The following CACNB2 variants were observed in gnomAD, a reference collection of about 807,000 sequenced individuals.
CACNB2 encodes calcium voltage-gated channel auxiliary subunit beta 2.
A neutral mutation model predicts 73.3 loss-of-function variants in CACNB2; 42 were observed. The observed-to-expected ratio is 0.57, with a 90% confidence interval of 0.45 to 0.74. CACNB2 has a LOEUF of 0.74. CACNB2 is among the 30% of genes least tolerant of loss of function. The probability of loss-of-function intolerance (pLI) is 0.00; values close to 1 mark genes in which losing one functional copy is unlikely to be tolerated. For missense variants in CACNB2, 940 were observed against 853.0 expected, an observed-to-expected ratio of 1.10 and a Z score of -1.27; for synonymous variants, 348 against 310.3, an observed-to-expected ratio of 1.12 and a Z score of -1.28.
At chr10:18,536,967 C>A (rs1204384286) in intron 12 of CACNB2, among the ~76,000 whole-genome samples, 1 of 152,142 alleles carries the variant, frequency 6.6e-6, no homozygotes, top group East Asian at 1.9e-4. Context: ...ACATGCAATG[C>A]CTTGAGGTAT....
chr10:18,177,130 T>G (rs1431981565), intron 2 of CACNB2, among the ~76,000 whole-genome samples: 1 of 152,092 alleles, frequency 6.6e-6, no homozygotes, highest in South Asian at 2.1e-4. Flanking sequence ...GAAGTGCCTG[T>G]TAGAGTCCTA....
intron 2 of CACNB2, among the ~76,000 whole-genome samples, chr10:18,197,475 C>T (rs2034677264): frequency 6.6e-6 from 1 of 152,164 alleles, no homozygotes; most frequent in African/African-American, 2.4e-5. Flanking sequence ...CCAAGCACCC[C>T]AGTGTGTTTC....
intron 2 of CACNB2, among the ~76,000 whole-genome samples, chr10:18,370,176 A>G (rs1319920639): frequency 6.6e-6 from 1 of 152,246 alleles, no homozygotes; most frequent in Non-Finnish European, 1.5e-5. Flanking sequence ...AGTTACATTT[A>G]AATAGCCACA....
intron 2 of CACNB2, among the ~76,000 whole-genome samples, chr10:18,397,651 G>A (rs1324951732): frequency 6.7e-6 from 1 of 150,134 alleles, no homozygotes; most frequent in Non-Finnish European, 1.5e-5. Flanking sequence ...GGAGATGGAG[G>A]TTGCAGTGAG....
chr10:18,333,947 G>A (rs2040903472), intron 2 of CACNB2, among the ~76,000 whole-genome samples: 1 of 152,122 alleles, frequency 6.6e-6, no homozygotes, highest in Non-Finnish European at 1.5e-5. Context: ...GTCTGCTGCT[G>A]TTTTAAAGTT....
At chr10:18,358,008 G>T (rs943857040) in intron 2 of CACNB2, among the ~76,000 whole-genome samples, 4 of 152,108 alleles carry the variant, frequency 2.6e-5, no homozygotes, top group Admixed American at 1.3e-4. Context: ...CGCAGTGCAT[G>T]GCAAATATTT....
intron 2 of CACNB2, among the ~76,000 whole-genome samples, chr10:18,336,224 G>A (rs2040999355): frequency 6.6e-6 from 1 of 152,218 alleles, no homozygotes; most frequent in Non-Finnish European, 1.5e-5. Context: ...AAGATTATGG[G>A]AAAGGTTTAA....
At chr10:18,229,092 A>G (rs2036128181) in intron 2 of CACNB2, among the ~76,000 whole-genome samples, 1 of 152,206 alleles carries the variant, frequency 6.6e-6, no homozygotes, top group Non-Finnish European at 1.5e-5. Flanking sequence ...CAGCAAATAT[A>G]TACACAAGCA....
intron 2 of CACNB2, among the ~76,000 whole-genome samples, chr10:18,240,996 G>A (rs910335236): frequency 4.6e-5 from 7 of 152,152 alleles, no homozygotes; most frequent in African/African-American, 1.4e-4. Flanking sequence ...CCTGCCTCCT[G>A]TTCTGTTCAC....
intron 2 of CACNB2, among the ~76,000 whole-genome samples, chr10:18,388,049 A>G (rs553044103): frequency 6.6e-6 from 1 of 152,276 alleles, no homozygotes; most frequent in East Asian, 1.9e-4. Context: ...GAGCCACTGC[A>G]CCTGGCCCAA....
intron 2 of CACNB2, among the ~76,000 whole-genome samples, chr10:18,338,688 T>C (rs950412486): frequency 6.7e-6 from 1 of 148,340 alleles, no homozygotes; most frequent in African/African-American, 2.5e-5. Context: ...CTTCCTTCCT[T>C]CCTTCCTTCC....
intron 9 of CACNB2, among the ~76,000 whole-genome samples, chr10:18,525,048 A>AC (rs532836933): frequency 0.013 from 1,977 of 147,746 alleles, 23 homozygotes; most frequent in Non-Finnish European, 0.02. Context: ...AAAAAAAAAA[A>AC]ACACATTATA....
intron 3 of CACNB2, among the ~76,000 whole-genome samples, chr10:18,452,768 C>G (rs2047077002): frequency 6.6e-6 from 1 of 152,092 alleles, no homozygotes; most frequent in African/African-American, 2.4e-5. Context: ...TTTTGTTCAC[C>G]AAAAAAGGTT....
At position 18,140,452 on chromosome 10, in the gene CACNB2, G is replaced by A. The variant is rs969764574; in HGVS notation, c.-285G>A. The stretch of plus-strand genomic sequence containing the variant: ...GCGCTGCGCCCGCTCTCCCGGCCCC[G>A]GCTGCCCCGCTGAGGGCTCCCCTCT... On this transcript the variant is annotated 5_prime_UTR_variant, in exon 1 of 14. Coordinates refer to ENST00000324631, the MANE Select transcript of CACNB2 (RefSeq NM_201596.3). 6.6e-6 allele frequency among the ~76,000 whole-genome samples: 1 copy of A among 151,876 alleles called. No individual in the cohort carries two copies. The highest frequency in any genetic ancestry group is 2.0e-4 in the East Asian group (1 of 5,108).
chr10:18,278,306 C>A (rs956148072), intron 2 of CACNB2, among the ~76,000 whole-genome samples: 2 of 151,980 alleles, frequency 1.3e-5, no homozygotes, highest in African/African-American at 4.8e-5. Flanking sequence ...ATAGTGAGAC[C>A]CTATCTCTAC....
At chr10:18,484,324 G>A (rs1376034185) in intron 3 of CACNB2, among the ~76,000 whole-genome samples, 2 of 151,908 alleles carry the variant, frequency 1.3e-5, no homozygotes, top group African/African-American at 2.4e-5. Flanking sequence ...AACCCGGGAG[G>A]CAGAGGTTGC....
chr10:18,141,828 T>A (rs1199668542), intron 1 of CACNB2, among the ~76,000 whole-genome samples: 2 of 152,088 alleles, frequency 1.3e-5, no homozygotes, highest in Non-Finnish European at 2.9e-5. Flanking sequence ...TGTGAAGAGG[T>A]CTTGGTTACA....
At chr10:18,501,822 A>G (rs2050207385) in intron 5 of CACNB2, among the ~76,000 whole-genome samples, 1 of 152,130 alleles carries the variant, frequency 6.6e-6, no homozygotes, top group Non-Finnish European at 1.5e-5. Context: ...GAAACAGAAT[A>G]TGCTTTGTGG....
chr10:18,485,111 A>G (rs1277906020), intron 3 of CACNB2, among the ~76,000 whole-genome samples: 1 of 152,200 alleles, frequency 6.6e-6, no homozygotes, highest in Non-Finnish European at 1.5e-5. Context: ...CATTGCACTC[A>G]GCCCTGTGTG....
Sources: allele counts gnomAD v4.1 joint callset (sites outside exome capture counted in the v4.1 genomes callset), GRCh38; gene constraint gnomAD v4.1.1; transcripts MANE v1.5; gene names NCBI Gene and HGNC (gene_info 2026-07-23, HGNC 2026-07-21).